Variants in GRIP1 observed in about 807,000 individuals in gnomAD.
The protein encoded by GRIP1 is glutamate receptor interacting protein 1.
Under a neutral mutation model 129.9 loss-of-function variants are expected in GRIP1, and 45 were observed. That is an observed-to-expected ratio of 0.35 (90% CI 0.27 to 0.44). The LOEUF (loss-of-function observed/expected upper bound fraction) is 0.44. Among genes scored for constraint, GRIP1 ranks in the 20% least tolerant of loss-of-function variants. The pLI, the probability that GRIP1 is intolerant of heterozygous loss-of-function variation, is 1.00. For synonymous variants in GRIP1, 530 were observed against 520.8 expected (o/e 1.02, Z -0.24); for missense variants, 1,196 against 1,396.8 (o/e 0.86, Z 2.29).
chr12:66,765,593 T>A (rs1183128198), intron 1 of GRIP1, among the ~76,000 whole-genome samples: 1 of 152,212 alleles, frequency 6.6e-6, no homozygotes, highest in Non-Finnish European at 1.5e-5. Flanking sequence ...TCATTCCTAG[T>A]GGTCACCCTC....
intron 1 of GRIP1, among the ~76,000 whole-genome samples, chr12:67,036,802 A>G (rs2043102493): frequency 6.6e-6 from 1 of 152,148 alleles, no homozygotes; most frequent in African/African-American, 2.4e-5. Flanking sequence ...TATCCCATCA[A>G]GTCCTGAAGA....
chr12:66,875,699 AGATCAATCATCCAACATATTGT>A (rs1251106281), intron 1 of GRIP1, among the ~76,000 whole-genome samples: 4 of 152,094 alleles, frequency 2.6e-5, no homozygotes, highest in Non-Finnish European at 5.9e-5. Flanking sequence ...AGTTTTACTA[AGATCAATCATCCAACATATTGT>A]GGTGCTTTAA....
At chr12:66,671,227 T>A (rs10878493) in intron 1 of GRIP1, among the ~76,000 whole-genome samples, 28,530 of 152,080 alleles carry the variant, frequency 0.19, 2,890 homozygotes, top group East Asian at 0.26. Context: ...ACTAAGAAAG[T>A]CAAGTTTGAT....
chr12:66,731,675 A>G (rs752189435), intron 1 of GRIP1, among the ~76,000 whole-genome samples: 1 of 152,204 alleles, frequency 6.6e-6, no homozygotes. Flanking sequence ...ATAATAAAGA[A>G]ATTTTAAAAC....
intron 1 of GRIP1, among the ~76,000 whole-genome samples, chr12:67,004,915 A>C (rs935355631): frequency 2.6e-5 from 4 of 152,242 alleles, no homozygotes; most frequent in Non-Finnish European, 5.9e-5. Context: ...AAGAGCAAAA[A>C]ATTTAATACA....
intron 1 of GRIP1, among the ~76,000 whole-genome samples, chr12:66,740,495 G>A (rs2036755066): frequency 6.6e-6 from 1 of 152,116 alleles, no homozygotes; most frequent in East Asian, 1.9e-4. Flanking sequence ...CCTGGCCCAT[G>A]GCATAGATGG....
At chr12:66,383,299 A>AAAAAAC (rs1555175080) in intron 19 of GRIP1, among the ~76,000 whole-genome samples, 1 of 141,316 alleles carries the variant, frequency 7.1e-6, no homozygotes, top group South Asian at 2.5e-4. Flanking sequence ...TCTGTCTCAA[A>AAAAAAC]AACAACAACA....
chr12:66,670,911 C>T (rs973795022), intron 1 of GRIP1, among the ~76,000 whole-genome samples: 1 of 152,130 alleles, frequency 6.6e-6, no homozygotes, highest in Non-Finnish European at 1.5e-5. Flanking sequence ...TCCCTTCTAG[C>T]AGCTGAGTAA....
At chr12:66,884,585 G>T (rs1174361705) in intron 1 of GRIP1, among the ~76,000 whole-genome samples, 1 of 152,082 alleles carries the variant, frequency 6.6e-6, no homozygotes, top group Non-Finnish European at 1.5e-5. Context: ...ATGAAATGTA[G>T]AAGTTACAAG....
At chr12:66,432,427 T>G in intron 14 of GRIP1, 121 bp downstream of exon 14, 1 of 644,848 alleles carries the variant, frequency 1.6e-6, no homozygotes. Flanking sequence ...TCCACATTTT[T>G]GTATCATGAT....
rs1469794208 is a variant in GRIP1 at position 66,486,500 on chromosome 12, GT to G, written c.725-21079del. Among the ~76,000 whole-genome samples the G allele has an allele frequency of 3.3e-5, 5 of 152,116 alleles. No homozygotes were observed. The East Asian group carries it at 9.6e-4, about 29-fold the overall frequency. On this transcript the variant is annotated intron_variant, in intron 7 of 24. Coordinates refer to ENST00000359742, the MANE Select transcript of GRIP1 (RefSeq NM_001366722.1). The stretch of plus-strand genomic sequence containing the variant: ...GGGAGATAATTGAATCATGGGGGCA[GT>G]TTCCCCCGTACTATTCTCATGGTAA...
intron 1 of GRIP1, among the ~76,000 whole-genome samples, chr12:66,740,843 C>T (rs2036766518): frequency 6.6e-6 from 1 of 152,056 alleles, no homozygotes; most frequent in African/African-American, 2.4e-5. Flanking sequence ...AGAGCTAGGA[C>T]ATGCTGGAAG....
intron 23 of GRIP1, among the ~76,000 whole-genome samples, chr12:66,368,083 A>C (rs1478530133): frequency 6.6e-6 from 1 of 152,170 alleles, no homozygotes; most frequent in African/African-American, 2.4e-5. Flanking sequence ...GGGACCTTCC[A>C]AAGGTCTGGA....
intron 5 of GRIP1, among the ~76,000 whole-genome samples, chr12:66,529,192 G>C (rs968973904): frequency 6.6e-6 from 1 of 152,110 alleles, no homozygotes; most frequent in African/African-American, 2.4e-5. Context: ...ACTGCTGGAG[G>C]GAATGTAAAC....
chr12:67,037,183 CA>C (rs1200205452), intron 1 of GRIP1, among the ~76,000 whole-genome samples: 1 of 151,866 alleles, frequency 6.6e-6, no homozygotes, highest in Non-Finnish European at 1.5e-5. Context: ...AAAAAATTAG[CA>C]GGGCGTGGTG....
intron 1 of GRIP1, among the ~76,000 whole-genome samples, chr12:66,617,855 G>T (rs2065112421): frequency 7.4e-6 from 1 of 135,654 alleles, no homozygotes; most frequent in African/African-American, 2.7e-5. Flanking sequence ...GCAAAAACTT[G>T]CAAGTTGATC....
chr12:66,693,760 C>G (rs200496825), intron 1 of GRIP1, among the ~76,000 whole-genome samples: 1 of 152,060 alleles, frequency 6.6e-6, no homozygotes, highest in East Asian at 1.9e-4. Flanking sequence ...TTCCATTAAT[C>G]CTCATTCTTC....
intron 1 of GRIP1, among the ~76,000 whole-genome samples, chr12:66,714,009 ACAGT>A (rs1247215327): frequency 6.6e-6 from 1 of 152,098 alleles, no homozygotes; most frequent in Non-Finnish European, 1.5e-5. Flanking sequence ...GTGACCTAAC[ACAGT>A]CAAATTCCCC....
intron 1 of GRIP1, among the ~76,000 whole-genome samples, chr12:67,049,927 GT>G (rs2135845550): frequency 7.1e-6 from 1 of 141,124 alleles, no homozygotes; most frequent in South Asian, 2.3e-4. Context: ...AAGTTGTTTT[GT>G]TTTAATTGGC....
Sources: gnomAD v4.1 joint callset for allele counts (sites outside exome capture counted in the v4.1 genomes callset) on GRCh38, gnomAD v4.1.1 for gene constraint, MANE v1.5 for transcripts, NCBI Gene and HGNC (gene_info 2026-07-23, HGNC 2026-07-21) for gene names.